Variants in CCNG1 observed in about 807,000 individuals in gnomAD.
CCNG1 encodes the protein cyclin G1.
CCNG1 carries 13 observed loss-of-function variants against 30.0 expected under a neutral mutation model. That is an observed-to-expected ratio of 0.43 (90% CI 0.28 to 0.69). The LOEUF (loss-of-function observed/expected upper bound fraction) is 0.69. CCNG1 is among the 30% of genes least tolerant of loss of function. The pLI, the probability that CCNG1 is intolerant of heterozygous loss-of-function variation, is 0.16. For missense variants in CCNG1, 285 were observed against 331.4 expected (o/e 0.86, Z 1.09); for synonymous variants, 110 against 121.5 (o/e 0.91, Z 0.62).
chr5:163,449,455 G>A (rs938236451), downstream of CCNG1: 2 of 152,178 alleles, frequency 1.3e-5, no homozygotes, highest in African/African-American at 4.8e-5. Context: ...ATAAAATGCT[G>A]ATAACTGAAA....
Position 163,440,976 on chromosome 5 carries a change from T to C in CCNG1, c.265-102T>C, listed in dbSNP as rs1316699149. The C allele has an allele frequency of 8.9e-6, 11 of 1,237,178 alleles. No individual in the cohort carries two copies. In the East Asian group the frequency reaches 2.6e-4, roughly 29 times the overall value. 76.6% of individuals were successfully genotyped at this position (1,237,178 alleles called of 1,614,324 possible). A position where few individuals can be genotyped will look rare whatever the true frequency, so the allele number is the denominator to read the frequency against. On this transcript the variant is annotated intron_variant, in intron 2 of 6. Transcript: ENST00000340828. Reference sequence around the variant, plus strand: ...ACAGCTGAGAAATAAACCTCAAATATACATTTTCAAAATGTTGGGTCGGAG... The same window carrying C: ...ACAGCTGAGAAATAAACCTCAAATACACATTTTCAAAATGTTGGGTCGGAG...
rs1209127460 is a variant in CCNG1 at position 163,443,306 on chromosome 5, C to T, written c.*4-368C>T. ...CAGCCTGGGCGACAGAGCAAGACTC[C>T]GCCACAAAAAAAAAAAAAAAAAGAA... On this transcript the variant is annotated intron_variant, in intron 6 of 6. Coordinates refer to ENST00000340828, the MANE Select transcript of CCNG1 (RefSeq NM_004060.4). 9.1e-5 allele frequency among the ~76,000 whole-genome samples: 12 copies of T among 132,406 alleles called. No individual in the cohort carries two copies. In the East Asian group the frequency reaches 2.3e-3, roughly 25 times the overall value. The allele number at this position is 132,406 out of a possible 152,430, so 86.9% of individuals were successfully genotyped here.
Position 163,444,687 on chromosome 5 carries a change from T to C in CCNG1, c.*1017T>C, listed in dbSNP as rs1015145022. 1.3e-5 allele frequency: 2 copies of C among 152,646 alleles called. No homozygotes were observed. Among genetic ancestry groups the C allele is most frequent in the African/African-American group, 4.8e-5 (2 of 41,452 alleles). The allele number at this position is 152,646 out of a possible 1,614,324, so 9.5% of individuals were successfully genotyped here. A position where few individuals can be genotyped will look rare whatever the true frequency, so the allele number is the denominator to read the frequency against. ...AGTGTTTAGGATCCTCCATGGCAGT[T>C]AGTGAATGTAAGAAGTACAGTGTTA... On this transcript the variant is annotated 3_prime_UTR_variant, in exon 7 of 7. Coordinates refer to ENST00000340828, the MANE Select transcript of CCNG1 (RefSeq NM_004060.4).
the CCNG1 span, chr5:163,457,544 T>C: frequency 7.2e-7 from 1 of 1,390,542 alleles, no homozygotes; most frequent in East Asian, 2.3e-5. Context: ...TTTGATGAAT[T>C]ATAGTAATTA....
At position 163,439,373 on chromosome 5, in the gene CCNG1, T is replaced by G; in HGVS notation, c.117T>G (p.Ser39=). 6.2e-7 allele frequency: 1 copy of G among 1,614,226 alleles called. No individual in the cohort carries two copies. The highest frequency in any genetic ancestry group is 8.5e-7 in the Non-Finnish European group (1 of 1,180,028). Residue 39 remains serine, a synonymous_variant, in exon 2 of 7, where the codon TCT becomes TCG. Coordinates refer to ENST00000340828, the MANE Select transcript of CCNG1 (RefSeq NM_004060.4). The part of the protein sequence containing the change: ...PKVCGLRLIE[S]AHDNGLRMTA... ...TCTGTGGTTTGAGACTAATTGAGTC[T>G]GCACACGATAATGGCCTCAGAATGA...
chr5:163,452,169 T>C, the CCNG1 span: 1 of 152,274 alleles, frequency 6.6e-6, no homozygotes, highest in Middle Eastern at 3.4e-3. Flanking sequence ...GATCAGAATT[T>C]ATATGTGAAT....
intron 1 of CCNG1, 60 bp from the exon 2 acceptor site, chr5:163,439,197 C>A: frequency 6.7e-7 from 1 of 1,485,004 alleles, no homozygotes; most frequent in Non-Finnish European, 9.2e-7. Flanking sequence ...GCAAAGATGG[C>A]CAAGGAAAGC....
In CCNG1 at chr5:163,439,342, C is replaced by T. The variant is rs1757685129; in HGVS notation, c.86C>T (p.Pro29Leu). 2.5e-6 allele frequency: 4 copies of T among 1,613,956 alleles called. No individual in the cohort carries two copies. The highest frequency in any genetic ancestry group is 3.3e-5 in the Admixed American group (2 of 60,002). ...ALLEQESRCQ[P>L]KVCGLRLIES... ...TTGGAACAGGAGTCTAGATGTCAGC[C>T]AAAGGTCTGTGGTTTGAGACTAATT... Residue 29 changes from proline to leucine, a missense_variant, in exon 2 of 7, where the codon CCA (proline) becomes CTA (leucine). Coordinates refer to ENST00000340828, the MANE Select transcript of CCNG1 (RefSeq NM_004060.4).
chr5:163,441,906 A>G lies in CCNG1; in HGVS notation c.539A>G (p.Glu180Gly), dbSNP rs1157355976. The change falls in exon 4 of 7, where the codon GAA becomes GGA. Residue 180 changes from glutamate (E) to glycine (G), a missense_variant. By Grantham distance (98) the Glu-to-Gly change is moderately conservative. Coordinates refer to ENST00000340828, the MANE Select transcript of CCNG1 (RefSeq NM_004060.4). ...PLERRNSINF[E>G]RLEAQLKACH... ...TAAAGGAGAAATAGCATTAATTTTG[A>G]AAGACTAGAAGCTCAACTGAAGGCA... The G allele has an allele frequency of 6.2e-7, 1 of 1,604,698 alleles. No individual in the cohort carries two copies. The highest frequency in any genetic ancestry group is 8.5e-7 in the Non-Finnish European group (1 of 1,172,152).
At chr5:163,447,128 G>A (rs1470125668), downstream of CCNG1, 4 of 152,166 alleles carry the variant, frequency 2.6e-5, no homozygotes, top group African/African-American at 9.7e-5. Context: ...TGCTAAAAGT[G>A]TAAGCACTTA....
the CCNG1 span, chr5:163,452,891 A>G: frequency 6.6e-6 from 1 of 152,214 alleles, no homozygotes; most frequent in African/African-American, 2.4e-5. Flanking sequence ...TAAACTAAAG[A>G]CAGCTGACAT....
At chr5:163,455,092 G>T in the CCNG1 span, among the ~76,000 whole-genome samples, 6 of 152,096 alleles carry the variant, frequency 3.9e-5, no homozygotes, top group South Asian at 1.2e-3. Flanking sequence ...TTTGGCCCAA[G>T]GGCTGTAGTT....
At chr5:163,450,105 A>C (rs898172997), downstream of CCNG1, 5 of 152,142 alleles carry the variant, frequency 3.3e-5, no homozygotes, top group Admixed American at 3.3e-4. Flanking sequence ...AAAAAATAAA[A>C]AAAAAATGGG....
rs1437323924 is a variant in CCNG1 at position 163,442,418 on chromosome 5, A to G, written c.741A>G (p.Lys247=). The G allele has an allele frequency of 6.2e-7, 1 of 1,613,844 alleles. No homozygotes were observed. The highest frequency in any genetic ancestry group is 1.1e-5 in the South Asian group (1 of 91,000). The part of the protein sequence containing the change: ...DLTFWQELVS[K]CLTEYSSNKC... ...CCTTCTGGCAAGAGCTTGTATCCAA[A>G]TGTTTAACTGAATATTCATCAAATA... Residue 247 remains lysine, a synonymous_variant, in exon 6 of 7, where the codon AAA becomes AAG. Transcript: ENST00000340828.
intron 2 of CCNG1, among the ~76,000 whole-genome samples, chr5:163,439,828 T>G (rs1757715269): frequency 6.6e-6 from 1 of 152,188 alleles, no homozygotes; most frequent in Non-Finnish European, 1.5e-5. Context: ...TTTACTATTT[T>G]TAGATATAAA....
At chr5:163,439,619 T>TC (rs1757705374) in intron 2 of CCNG1, 99 bp downstream of exon 2, 1 of 1,006,862 alleles carries the variant, frequency 9.9e-7, no homozygotes, top group South Asian at 1.6e-5. Context: ...CTTTTTTTTT[T>TC]CAGCACGTAG....
downstream of CCNG1, chr5:163,446,755 C>CT (rs1287077245): frequency 1.3e-5 from 2 of 152,368 alleles, no homozygotes; most frequent in Admixed American, 6.5e-5. Flanking sequence ...TGGCTCACAC[C>CT]TGTAATCCCA....
intron 3 of CCNG1, 148 bp downstream of exon 3, chr5:163,441,479 G>A (rs181216881): frequency 7.0e-6 from 5 of 714,022 alleles, no homozygotes; most frequent in African/African-American, 3.6e-5. Flanking sequence ...TCCATCATAA[G>A]TGAGAAAATG....
chr5:163,453,590 A>G, the CCNG1 span: 1 of 154,238 alleles, frequency 6.5e-6, no homozygotes, highest in African/African-American at 2.4e-5. Flanking sequence ...TATTTAGAAA[A>G]TTTTATTGAA....
Sources: allele counts gnomAD v4.1 joint callset (sites outside exome capture counted in the v4.1 genomes callset), GRCh38; gene constraint gnomAD v4.1.1; transcripts MANE v1.5; gene names NCBI Gene and HGNC (gene_info 2026-07-23, HGNC 2026-07-21).